The following NUP210L variants were observed in gnomAD, a reference collection of about 807,000 sequenced individuals.
NUP210L encodes nuclear pore membrane glycoprotein 210-like.
A neutral mutation model predicts 208.5 loss-of-function variants in NUP210L; 74 were observed. The observed-to-expected ratio is 0.35, with a 90% CI of 0.29 to 0.43. The LOEUF (loss-of-function observed/expected upper bound fraction) is 0.43. Ranked by LOEUF, NUP210L falls within the 20% of genes least tolerant of loss-of-function variation. The pLI, the probability that NUP210L is intolerant of heterozygous loss-of-function variation, is 1.00. For synonymous variants in NUP210L, 780 were observed against 816.9 expected, an observed-to-expected ratio of 0.95 and a Z score of 0.77; for missense variants, 1,843 against 2,289.4, an observed-to-expected ratio of 0.81 and a Z score of 3.98.
exon 17 of NUP210L, chr1:154,070,282 G>A (rs779825974): frequency 1.1e-5 from 18 of 1,588,886 alleles, no homozygotes; most frequent in Middle Eastern, 1.7e-4. Flanking sequence ...CCATGTAACC[G>A]GGTCTGCCCA....
chr1:154,025,410 T>G, intron 30 of NUP210L, 132 bp downstream of exon 30: 4 of 497,372 alleles, frequency 8.0e-6, no homozygotes, highest in Non-Finnish European at 3.3e-6. Context: ...AGTTTCTAAT[T>G]CTTTTCTTTT....
Position 154,135,701 on chromosome 1 carries a change from G to A in NUP210L, c.1009+113C>T, listed in dbSNP as rs947565101. On this transcript the variant is annotated intron_variant, in intron 7 of 39. Coordinates refer to ENST00000368559, the Ensembl canonical transcript of NUP210L. ...CTCCCAAAGTGCTGGAATTACAGGC[G>A]TGAGCCACCGCGCCCGGCCATAATC... 44 of 921,048 alleles carry A rather than the reference G, an allele frequency of 4.8e-5. No homozygotes were observed. The East Asian group carries it at 6.3e-4, about 13-fold the overall frequency. 57.1% of individuals were successfully genotyped at this position (921,048 alleles called of 1,614,324 possible). A position where few individuals can be genotyped will look rare whatever the true frequency, so the allele number is the denominator to read the frequency against.
intron 30 of NUP210L, 39 bp downstream of exon 30, chr1:154,025,503 T>G: frequency 2.2e-6 from 3 of 1,395,082 alleles, no homozygotes; most frequent in South Asian, 3.6e-5. Flanking sequence ...GGGTATGACT[T>G]TTATTTATTT....
chr1:154,104,888 G>C (rs115148054), intron 12 of NUP210L, among the ~76,000 whole-genome samples: 1,743 of 151,988 alleles, frequency 0.011, 41 homozygotes, highest in African/African-American at 0.04. Context: ...GACACCTGCT[G>C]GGGTGGCCAA....
chr1:154,120,378 C>CA (rs1352237521), intron 10 of NUP210L, among the ~76,000 whole-genome samples: 19 of 151,938 alleles, frequency 1.3e-4, no homozygotes, highest in South Asian at 4.2e-4. Flanking sequence ...ATCACAAGGA[C>CA]AAAAAACCAA....
chr1:153,998,013 C>G (rs1032096083), intron 37 of NUP210L, among the ~76,000 whole-genome samples: 2 of 151,808 alleles, frequency 1.3e-5, no homozygotes, highest in Non-Finnish European at 2.9e-5. Context: ...TGGCCAATTA[C>G]TGTAATTTTT....
intron 10 of NUP210L, among the ~76,000 whole-genome samples, chr1:154,119,903 A>C (rs1571296734): frequency 6.6e-6 from 1 of 152,238 alleles, no homozygotes; most frequent in Admixed American, 6.5e-5. Flanking sequence ...CTTTGGGTAT[A>C]TACCCAGTAA....
In NUP210L at chr1:154,008,597, C is replaced by G. The variant is rs553081422; in HGVS notation, c.4930+1375G>C. Among the ~76,000 whole-genome samples, 11 of 152,230 alleles carry G rather than the reference C, an allele frequency of 7.2e-5. No individual in the cohort carries two copies. In the South Asian group the frequency reaches 2.3e-3, roughly 32 times the overall value. On this transcript the variant is annotated intron_variant, in intron 35 of 39. Transcript: ENST00000368559. ...TGACACGCGCCTGTAATCCCAGCTA[C>G]TCAGGAGGCTGAGGCAGGAGAATAC...
intron 16 of NUP210L, among the ~76,000 whole-genome samples, chr1:154,075,013 C>A (rs1157294173): frequency 1.3e-5 from 2 of 152,132 alleles, no homozygotes; most frequent in East Asian, 3.9e-4. Flanking sequence ...TTCAAGCCAG[C>A]TGCTTTTTGA....
intron 25 of NUP210L, among the ~76,000 whole-genome samples, chr1:154,048,597 C>A (rs1345390584): frequency 6.6e-6 from 1 of 152,138 alleles, no homozygotes; most frequent in Non-Finnish European, 1.5e-5. Flanking sequence ...CAAACCAGGG[C>A]ATTTCTGGCT....
intron 34 of NUP210L, among the ~76,000 whole-genome samples, chr1:154,010,494 C>G (rs541292743): frequency 7.2e-5 from 11 of 152,172 alleles, no homozygotes; most frequent in Non-Finnish European, 1.6e-4. Context: ...CTGCCTCAGT[C>G]TCCCCAGTAG....
At chr1:153,993,218 G>C in intron 38 of NUP210L, 129 bp from the exon 39 acceptor site, 1 of 612,274 alleles carries the variant, frequency 1.6e-6, no homozygotes, top group Non-Finnish European at 2.7e-6. Flanking sequence ...CACTATTACA[G>C]GAAGTTTTTA....
intron 17 of NUP210L, 107 bp from the exon 18 acceptor site, chr1:154,061,781 T>C: frequency 1.4e-6 from 1 of 723,784 alleles, no homozygotes; most frequent in Non-Finnish European, 2.4e-6. Flanking sequence ...GGTGCTTTAT[T>C]GCAGGGGAGG....
At chr1:154,134,518 A>G (rs914528896) in intron 7 of NUP210L, among the ~76,000 whole-genome samples, 3 of 148,806 alleles carry the variant, frequency 2.0e-5, no homozygotes, top group Non-Finnish European at 3.0e-5. Context: ...CGGGCAGATC[A>G]CAAGGTCAGG....
At chr1:154,069,347 C>T (rs1045176648) in intron 17 of NUP210L, among the ~76,000 whole-genome samples, 2 of 151,980 alleles carry the variant, frequency 1.3e-5, no homozygotes, top group Non-Finnish European at 2.9e-5. Flanking sequence ...AACAAATTTA[C>T]AAGAAAAAAA....
intron 37 of NUP210L, among the ~76,000 whole-genome samples, chr1:153,996,472 AGTGCAGT>A (rs1649873821): frequency 6.6e-6 from 1 of 152,082 alleles, no homozygotes; most frequent in Non-Finnish European, 1.5e-5. Context: ...CCCAGGCTGG[AGTGCAGT>A]GGCACCATCT....
intron 16 of NUP210L, among the ~76,000 whole-genome samples, chr1:154,078,034 G>A (rs1655129361): frequency 6.6e-6 from 1 of 151,862 alleles, no homozygotes; most frequent in African/African-American, 2.4e-5. Flanking sequence ...AGGCTGTGTG[G>A]TGGCTCAAGC....
chr1:154,048,805 G>A (rs746894247), intron 25 of NUP210L, among the ~76,000 whole-genome samples: 10 of 152,184 alleles, frequency 6.6e-5, no homozygotes, highest in Non-Finnish European at 1.2e-4. Flanking sequence ...TTTAAAAGGA[G>A]TGCAAGTACA....
chr1:154,095,012 C>A (rs1180253754), exon 15 of NUP210L: 4 of 1,614,152 alleles, frequency 2.5e-6, no homozygotes, highest in Non-Finnish European at 3.4e-6. Context: ...CACACTTGTG[C>A]TATTCCAATC....
Sources: gnomAD v4.1 joint callset for allele counts (sites outside exome capture counted in the v4.1 genomes callset) on GRCh38, gnomAD v4.1.1 for gene constraint, MANE v1.5 for transcripts, NCBI Gene and HGNC (gene_info 2026-07-23, HGNC 2026-07-21) for gene names.